RASGRF2: variants seen among roughly 807,000 people sequenced by gnomAD.
RASGRF2 encodes Ras protein specific guanine nucleotide releasing factor 2, also known as ras-specific guanine nucleotide-releasing factor 2.
Under a neutral mutation model 151.0 loss-of-function variants are expected in RASGRF2, and 76 were observed. The observed-to-expected ratio is 0.50, with a 90% CI of 0.42 to 0.61. The LOEUF (loss-of-function observed/expected upper bound fraction) is 0.61. Among genes scored for constraint, RASGRF2 ranks in the 20% least tolerant of loss-of-function variants. The probability of loss-of-function intolerance (pLI) is 0.00; values close to 1 mark genes in which losing one functional copy is unlikely to be tolerated. For missense variants in RASGRF2, 1,148 were observed against 1,564.6 expected, an observed-to-expected ratio of 0.73 and a Z score of 4.49; for synonymous variants, 504 against 566.5, an observed-to-expected ratio of 0.89 and a Z score of 1.57.
chr5:81,016,117 T>C (rs967736745), intron 1 of RASGRF2, among the ~76,000 whole-genome samples: 1 of 152,166 alleles, frequency 6.6e-6, no homozygotes, highest in Non-Finnish European at 1.5e-5. Flanking sequence ...ATGAGAGAGC[T>C]GGGAGTGGGG....
chr5:81,009,171 C>A (rs866240761), intron 1 of RASGRF2, among the ~76,000 whole-genome samples: 1 of 152,206 alleles, frequency 6.6e-6, no homozygotes, highest in African/African-American at 2.4e-5. Flanking sequence ...AAATTATGGG[C>A]TCATGACGAG....
intron 1 of RASGRF2, among the ~76,000 whole-genome samples, chr5:80,991,056 A>C (rs1748632967): frequency 6.6e-6 from 1 of 152,200 alleles, no homozygotes; most frequent in African/African-American, 2.4e-5. Flanking sequence ...TAATTTTATA[A>C]GTTCACTGAC....
At chr5:81,058,605 A>G (rs948036954) in intron 2 of RASGRF2, among the ~76,000 whole-genome samples, 18 of 152,068 alleles carry the variant, frequency 1.2e-4, no homozygotes, top group African/African-American at 4.1e-4. Flanking sequence ...ATAAGGAGCC[A>G]TGCATCCTGG....
At chr5:81,061,060 GTTTA>G (rs774536568) in intron 2 of RASGRF2, among the ~76,000 whole-genome samples, 7 of 148,414 alleles carry the variant, frequency 4.7e-5, no homozygotes, top group South Asian at 2.1e-4. Context: ...TTTTTTTTCT[GTTTA>G]TTTATCAATA....
chr5:81,160,679 C>A (rs948921401), intron 17 of RASGRF2, among the ~76,000 whole-genome samples: 1 of 101,868 alleles, frequency 9.8e-6, no homozygotes, highest in Non-Finnish European at 2.0e-5. Flanking sequence ...GACTCTGTCT[C>A]AAAAATAATA....
chr5:81,063,542 A>T (rs1282612677), intron 2 of RASGRF2, among the ~76,000 whole-genome samples: 1 of 151,904 alleles, frequency 6.6e-6, no homozygotes, highest in African/African-American at 2.4e-5. Context: ...CCCAGCTCTC[A>T]TTTCTTTATT....
intron 17 of RASGRF2, among the ~76,000 whole-genome samples, chr5:81,154,919 C>CT (rs1754225868): frequency 6.6e-6 from 1 of 152,136 alleles, no homozygotes; most frequent in South Asian, 2.1e-4. Flanking sequence ...CAGAGTTCCC[C>CT]TTTCTCCACA....
In RASGRF2 at chr5:81,085,797, T is replaced by C. The variant is rs756016369; in HGVS notation, c.1162-5T>C. On this transcript the variant is annotated splice_region_variant and splice_polypyrimidine_tract_variant and intron_variant, in intron 7 of 26. Transcript: ENST00000265080. ...TTGCTCATACTGGCCTCTGTTTGCATCTAGATCCCCAGATATATCATCACA... is the reference window on the plus strand; with the variant it reads ...TTGCTCATACTGGCCTCTGTTTGCACCTAGATCCCCAGATATATCATCACA... 14 of 1,614,048 alleles carry C rather than the reference T, an allele frequency of 8.7e-6. No homozygotes were observed. The South Asian group carries it at 1.4e-4, about 16-fold the overall frequency.
At position 81,073,512 on chromosome 5, in the gene RASGRF2, A is replaced by G. The variant is rs193071415; in HGVS notation, c.887+60A>G. On this transcript the variant is annotated intron_variant, in intron 5 of 26. Coordinates refer to ENST00000265080, the MANE Select transcript of RASGRF2 (RefSeq NM_006909.3). ...AAACCCCTTTGTATTTCCAACAAGA[A>G]TTTTTACTTAATCTTTAAAAGGGTC... The G allele has an allele frequency of 5.6e-4, 854 of 1,513,612 alleles. 4 individuals are homozygous for G. The African/African-American group carries it at 0.01, about 18-fold the overall frequency. 93.8% of individuals were successfully genotyped at this position (1,513,612 alleles called of 1,614,324 possible). A position where few individuals can be genotyped will look rare whatever the true frequency, so the allele number is the denominator to read the frequency against.
chr5:81,011,605 G>A (rs1003449116), intron 1 of RASGRF2, among the ~76,000 whole-genome samples: 1 of 152,152 alleles, frequency 6.6e-6, no homozygotes, highest in African/African-American at 2.4e-5. Context: ...GCCTGGCATG[G>A]TGGCACATGC....
rs56875865 is a variant in RASGRF2, at chr5:81,058,775, C to CA, written c.396-9232dup. On this transcript the variant is annotated intron_variant, in intron 2 of 26. Coordinates refer to ENST00000265080, the MANE Select transcript of RASGRF2 (RefSeq NM_006909.3). ...TGGGCAACAGAGCAAGGCCCTGTAT[C>CA]AAAAAAAAAAAAAAAAAAAAAAAAA... is the stretch of plus-strand genomic sequence containing the variant. 1.0e-2 allele frequency among the ~76,000 whole-genome samples: 697 copies of CA among 70,044 alleles called. 12 individuals carry two copies. The highest frequency in any genetic ancestry group is 0.023 in the African/African-American group (392 of 17,362). The allele number at this position is 70,044 out of a possible 152,430, so 46.0% of individuals were successfully genotyped here. A position where few individuals can be genotyped will look rare whatever the true frequency, so the allele number is the denominator to read the frequency against.
rs137997312 is a variant in RASGRF2 at position 81,138,396 on chromosome 5, T to C, written c.2686+11233T>C. Among the ~76,000 whole-genome samples, 84 of 152,300 alleles carry C rather than the reference T, an allele frequency of 5.5e-4. 1 individual carries two copies. The highest frequency in any genetic ancestry group is 2.0e-3 in the African/African-American group (84 of 41,574). ...AGAAGAAGGCGAGAGGGGACTGGAA[T>C]GGGAAAAATGTCTTTTTCCAAGTGG... On this transcript the variant is annotated intron_variant, in intron 17 of 26. Coordinates refer to ENST00000265080, the MANE Select transcript of RASGRF2 (RefSeq NM_006909.3).
chr5:81,047,757 C>G (rs1160756426), intron 2 of RASGRF2, among the ~76,000 whole-genome samples: 1 of 152,194 alleles, frequency 6.6e-6, no homozygotes, highest in South Asian at 2.1e-4. Context: ...TTCAATTAAG[C>G]CTTATTCTCT....
In RASGRF2 at chr5:81,201,336, G is replaced by T. The variant is rs747659788; in HGVS notation, c.2800G>T (p.Glu934Ter). 6.2e-7 allele frequency: 1 copy of T among 1,610,318 alleles called. No homozygotes were observed. Among genetic ancestry groups the T allele is most frequent in the South Asian group, 1.1e-5 (1 of 90,506 alleles). ...GATTCATTTTATTTTACAGGATTTC[G>T]AACTCAACAATGAACTAAAGATGAA... ...HWVSKHAQDF[E>*]LNNELKMNVL... Residue 934 changes from glutamate (E) to a stop codon, truncating the protein, a stop_gained, in exon 19 of 27, where the codon GAA becomes TAA. Transcript: ENST00000265080. LOFTEE classifies it high-confidence loss of function.
intron 1 of RASGRF2, among the ~76,000 whole-genome samples, chr5:81,038,102 G>A (rs951395683): frequency 2.0e-5 from 3 of 152,144 alleles, no homozygotes; most frequent in Non-Finnish European, 4.4e-5. Flanking sequence ...GATATGCCTT[G>A]TAGTATTTAT....
At chr5:81,100,771 T>C (rs1752677905) in intron 12 of RASGRF2, among the ~76,000 whole-genome samples, 1 of 152,198 alleles carries the variant, frequency 6.6e-6, no homozygotes, top group Non-Finnish European at 1.5e-5. Flanking sequence ...TGTAGCACAC[T>C]GGACATGCTT....
rs115517890 is a variant in RASGRF2 at position 81,010,726 on chromosome 5, T to C, written c.289-32151T>C. On this transcript the variant is annotated intron_variant, in intron 1 of 26. Coordinates refer to ENST00000265080, the MANE Select transcript of RASGRF2 (RefSeq NM_006909.3). ...GAAAATGTATTTTTAATATTAAAAG[T>C]CTTCTTAGGGAAAGAGGCCCAGCAA... is the stretch of plus-strand genomic sequence containing the variant. 3.6e-3 allele frequency among the ~76,000 whole-genome samples: 553 copies of C among 152,316 alleles called. 4 individuals carry two copies. The highest frequency in any genetic ancestry group is 0.012 in the African/African-American group (478 of 41,560).
Position 81,209,175 on chromosome 5 carries a change from C to T in RASGRF2, c.3156+737C>T, listed in dbSNP as rs144723985. Among the ~76,000 whole-genome samples the T allele has an allele frequency of 9.2e-5, 14 of 152,230 alleles. No homozygotes were observed. The East Asian group carries it at 2.7e-3, about 29-fold the overall frequency. On this transcript the variant is annotated intron_variant, in intron 22 of 26. Transcript: ENST00000265080. ...ATTACATTCCAGGGTTGGAAGGGGCCTCTTGGAGCATAATCACATTGTTGC... is the reference window on the plus strand; with the variant it reads ...ATTACATTCCAGGGTTGGAAGGGGCTTCTTGGAGCATAATCACATTGTTGC...
chr5:81,060,694 C>T (rs974243571), intron 2 of RASGRF2, among the ~76,000 whole-genome samples: 1 of 152,000 alleles, frequency 6.6e-6, no homozygotes, highest in Non-Finnish European at 1.5e-5. Context: ...TCGCAGGAAC[C>T]CAGGAAGAAG....
Sources: allele counts gnomAD v4.1 joint callset (sites outside exome capture counted in the v4.1 genomes callset), GRCh38; gene constraint gnomAD v4.1.1; transcripts MANE v1.5; gene names NCBI Gene and HGNC (gene_info 2026-07-23, HGNC 2026-07-21).